Variants in PRICKLE2 observed in about 807,000 individuals in gnomAD.
PRICKLE2 encodes the protein prickle planar cell polarity protein 2.
Under a neutral mutation model 81.4 loss-of-function variants are expected in PRICKLE2, and 21 were observed. That is an observed-to-expected ratio of 0.26 (90% CI 0.18 to 0.37). The LOEUF (loss-of-function observed/expected upper bound fraction) is 0.37, where lower values mean the gene tolerates loss of function less well. Ranked by LOEUF, PRICKLE2 falls within the 10% of genes least tolerant of loss-of-function variation. PRICKLE2 has a pLI of 1.00. For synonymous variants in PRICKLE2, 456 were observed against 421.5 expected, an observed-to-expected ratio of 1.08 and a Z score of -1.00; for missense variants, 940 against 1,109.0, an observed-to-expected ratio of 0.85 and a Z score of 2.16.
intron 7 of PRICKLE2, among the ~76,000 whole-genome samples, chr3:64,138,766 G>A (rs1321998637): frequency 6.6e-6 from 1 of 152,216 alleles, no homozygotes; most frequent in Admixed American, 6.5e-5. Context: ...ACTCAAGGTT[G>A]TGATTCCAGA....
intron 2 of PRICKLE2, among the ~76,000 whole-genome samples, chr3:64,186,066 A>G (rs2078225308): frequency 6.6e-6 from 1 of 152,206 alleles, no homozygotes; most frequent in South Asian, 2.1e-4. Context: ...CATTTGGAAT[A>G]ATGATTCTCA....
intron 7 of PRICKLE2, among the ~76,000 whole-genome samples, chr3:64,108,469 A>G (rs1344928632): frequency 1.3e-5 from 2 of 152,086 alleles, no homozygotes; most frequent in African/African-American, 4.8e-5. Flanking sequence ...ACGCCACCAC[A>G]TGTTTCTTGG....
chr3:64,216,775 G>A (rs1003635423), intron 1 of PRICKLE2, among the ~76,000 whole-genome samples: 9 of 152,080 alleles, frequency 5.9e-5, no homozygotes, highest in South Asian at 2.1e-4. Context: ...AGCAAGAATC[G>A]AAGCTCCTGT....
At chr3:64,119,216 A>G (rs1178878282) in intron 7 of PRICKLE2, among the ~76,000 whole-genome samples, 1 of 152,138 alleles carries the variant, frequency 6.6e-6, no homozygotes, top group Non-Finnish European at 1.5e-5. Flanking sequence ...ACTGGGATCT[A>G]TTGGAGGGTG....
At chr3:64,220,427 G>C (rs1385350664) in intron 1 of PRICKLE2, among the ~76,000 whole-genome samples, 1 of 152,232 alleles carries the variant, frequency 6.6e-6, no homozygotes, top group African/African-American at 2.4e-5. Flanking sequence ...CTCGAGGCAG[G>C]CTGGGTGCTG....
At chr3:64,177,229 G>A (rs1370060193) in intron 2 of PRICKLE2, among the ~76,000 whole-genome samples, 3 of 124,986 alleles carry the variant, frequency 2.4e-5, no homozygotes, top group African/African-American at 6.0e-5. Context: ...TCCGTCTCCC[G>A]GGTTCAAGTG....
chr3:64,112,282 G>A (rs2076860465), intron 7 of PRICKLE2, among the ~76,000 whole-genome samples: 1 of 152,154 alleles, frequency 6.6e-6, no homozygotes, highest in Admixed American at 6.5e-5. Flanking sequence ...GATGAGGTGG[G>A]TTAGATGTTT....
chr3:64,212,232 A>T (rs1277455614), intron 1 of PRICKLE2, among the ~76,000 whole-genome samples: 3 of 152,202 alleles, frequency 2.0e-5, no homozygotes, highest in Admixed American at 6.5e-5. Flanking sequence ...TTCTGCAAAG[A>T]ATAAACCATG....
chr3:64,123,105 C>G (rs1165858729), intron 7 of PRICKLE2, among the ~76,000 whole-genome samples: 1 of 152,194 alleles, frequency 6.6e-6, no homozygotes, highest in Admixed American at 6.5e-5. Context: ...GGAAGTGCAA[C>G]TGATCCAGCC....
At chr3:64,187,901 G>GT (rs1351407468) in intron 2 of PRICKLE2, among the ~76,000 whole-genome samples, 3 of 152,234 alleles carry the variant, frequency 2.0e-5, no homozygotes, top group African/African-American at 7.2e-5. Flanking sequence ...GCAGTAAAAG[G>GT]TATCAGCGCA....
chr3:64,120,342 T>C (rs1032847471), intron 7 of PRICKLE2, among the ~76,000 whole-genome samples: 7 of 152,302 alleles, frequency 4.6e-5, no homozygotes, highest in African/African-American at 1.7e-4. Context: ...TCTTTATACT[T>C]TTTAAGAGCA....
At chr3:64,161,715 T>TAAA (rs10715000) in intron 3 of PRICKLE2, among the ~76,000 whole-genome samples, 4 of 118,034 alleles carry the variant, frequency 3.4e-5, no homozygotes, top group Non-Finnish European at 7.2e-5. Context: ...TAAAAAGAGT[T>TAAA]AAAAAAAAAA....
At chr3:64,164,851 A>G (rs545094906) in intron 2 of PRICKLE2, among the ~76,000 whole-genome samples, 9 of 152,334 alleles carry the variant, frequency 5.9e-5, no homozygotes, top group African/African-American at 2.2e-4. Context: ...TGGGATTAGA[A>G]GCTGGCAATT....
At chr3:64,134,246 A>G (rs2077242487) in intron 7 of PRICKLE2, among the ~76,000 whole-genome samples, 1 of 152,198 alleles carries the variant, frequency 6.6e-6, no homozygotes, top group Admixed American at 6.5e-5. Context: ...GCCCTTAAAC[A>G]CTAAGTGTGA....
chr3:64,180,970 C>T (rs1222901615), intron 2 of PRICKLE2, among the ~76,000 whole-genome samples: 1 of 152,188 alleles, frequency 6.6e-6, no homozygotes, highest in East Asian at 1.9e-4. Flanking sequence ...AAGCAACTTT[C>T]CTTCTGTTTT....
upstream of PRICKLE2, among the ~76,000 whole-genome samples, chr3:64,228,996 A>G (rs2079066147): frequency 6.6e-6 from 1 of 152,202 alleles, no homozygotes; most frequent in South Asian, 2.1e-4. Flanking sequence ...AAACAATTTT[A>G]TAGTGGGGGA....
intron 7 of PRICKLE2, chr3:64,104,486 A>C (rs1022411417): frequency 6.6e-6 from 1 of 152,264 alleles, no homozygotes; most frequent in African/African-American, 2.4e-5. Context: ...GTCTTTCATA[A>C]GCCCAGAAGT....
chr3:64,125,417 A>C (rs899506086), intron 7 of PRICKLE2, among the ~76,000 whole-genome samples: 6 of 152,220 alleles, frequency 3.9e-5, no homozygotes, highest in Admixed American at 3.9e-4. Context: ...ATGCTATCAA[A>C]CAGCATCACA....
intron 2 of PRICKLE2, among the ~76,000 whole-genome samples, chr3:64,190,040 T>C (rs2078304187): frequency 6.6e-6 from 1 of 152,200 alleles, no homozygotes; most frequent in Non-Finnish European, 1.5e-5. Context: ...GCCAACACTC[T>C]CCCCAAATTC....
Sources: gnomAD v4.1 joint callset for allele counts (sites outside exome capture counted in the v4.1 genomes callset) on GRCh38, gnomAD v4.1.1 for gene constraint, MANE v1.5 for transcripts, NCBI Gene and HGNC (gene_info 2026-07-23, HGNC 2026-07-21) for gene names.